Variants in MX2 observed in about 807,000 individuals in gnomAD.
MX2 encodes the protein MX dynamin like GTPase 2, also known as interferon-induced GTP-binding protein Mx2.
Under a neutral mutation model 74.0 loss-of-function variants are expected in MX2, and 51 were observed. The ratio of observed to expected loss-of-function variants is 0.69; its 90% CI spans 0.55 to 0.87. The LOEUF (loss-of-function observed/expected upper bound fraction) is 0.87. MX2 is among the 40% of genes least tolerant of loss of function. The pLI, the probability that MX2 is intolerant of heterozygous loss-of-function variation, is 0.00. For missense variants in MX2, 832 were observed against 908.7 expected (o/e 0.92, Z 1.09); for synonymous variants, 369 against 339.3 (o/e 1.09, Z -0.96).
At position 41,408,422 on chromosome 21, in the gene MX2, C is replaced by A; in HGVS notation, c.*189C>A. On this transcript the variant is annotated 3_prime_UTR_variant, in exon 14 of 14. Coordinates refer to ENST00000330714, the MANE Select transcript of MX2 (RefSeq NM_002463.2). Reference sequence around the variant, plus strand: ...AGGCTCAGCTCTCTCCACCACCCAGCTCTTCCCTGACCTTCACGAAGGGAT... The same window carrying A: ...AGGCTCAGCTCTCTCCACCACCCAGATCTTCCCTGACCTTCACGAAGGGAT... 2 of 749,804 alleles carry A rather than the reference C, an allele frequency of 2.7e-6. No homozygotes were observed. The highest frequency in any genetic ancestry group is 4.2e-6 in the Non-Finnish European group (2 of 476,470). The allele number at this position is 749,804 out of a possible 1,614,324, so 46.4% of individuals were successfully genotyped here.
intron 12 of MX2, chr21:41,403,612 G>A (rs1456977563): frequency 1.4e-6 from 1 of 691,702 alleles, no homozygotes; most frequent in African/African-American, 1.8e-5. Flanking sequence ...TACGCAGGAT[G>A]TGGGGCTCCA....
chr21:41,374,788 G>T (rs1012242179), intron 1 of MX2, among the ~76,000 whole-genome samples: 3 of 152,198 alleles, frequency 2.0e-5, no homozygotes, highest in Admixed American at 2.0e-4. Flanking sequence ...CAAAGCCCCA[G>T]CACTCTGGCT....
chr21:41,382,606 G>C, intron 5 of MX2, 42 bp downstream of exon 5: 1 of 1,612,544 alleles, frequency 6.2e-7, no homozygotes, highest in Admixed American at 1.7e-5. Flanking sequence ...TGCTGAAGTG[G>C]GGGAAGGGTC....
rs1235993524 is a variant in MX2, at chr21:41,376,622, C to T, written c.-71-214C>T. Among the ~76,000 whole-genome samples the T allele has an allele frequency of 3.3e-5, 5 of 152,124 alleles. No homozygotes were observed. In the East Asian group the frequency reaches 5.8e-4, roughly 18 times the overall value. ...TGGGAATGTGGAGTCCACTGCCCCC[C>T]GTTCCCCAAGCCCGGGCCGGTAGAA... On this transcript the variant is annotated intron_variant, in intron 1 of 13. Transcript: ENST00000330714.
chr21:41,406,968 A>AGGGAT lies in MX2; in HGVS notation c.1875_1876insGGGAT (p.Ile626GlyfsTer3). On this transcript the variant is annotated frameshift_variant, in exon 13 of 14. Transcript: ENST00000330714. LOFTEE classifies it low-confidence loss of function (END_TRUNC). ...AGTCTTCGGTTTCCTCCTTTACTGA[A>AGGGAT]ATAGGCATCCACCTGAATGCCTACT... is the stretch of plus-strand genomic sequence containing the variant. The AGGGAT allele has an allele frequency of 6.2e-7, 1 of 1,613,456 alleles. No individual in the cohort carries two copies. The highest frequency in any genetic ancestry group is 8.5e-7 in the Non-Finnish European group (1 of 1,179,438).
At chr21:41,383,501 G>C (rs1240067873) in intron 5 of MX2, among the ~76,000 whole-genome samples, 3 of 152,234 alleles carry the variant, frequency 2.0e-5, no homozygotes, top group Non-Finnish European at 4.4e-5. Context: ...TCATGCTTTG[G>C]CAAGCCAGCT....
Position 41,407,948 on chromosome 21 carries a change from G to A in MX2, c.1906-43G>A, listed in dbSNP as rs199702940. 4 of 1,610,648 alleles carry A rather than the reference G, an allele frequency of 2.5e-6. No homozygotes were observed. In the African/African-American group the frequency reaches 4.0e-5, roughly 16 times the overall value. On this transcript the variant is annotated intron_variant, in intron 13 of 13. Transcript: ENST00000330714. ...CTTCTCTCTGCAACCACAGGCCTTG[G>A]GCTGAGACCACTCCAGCAAACCCTT... is the stretch of plus-strand genomic sequence containing the variant.
intron 1 of MX2, among the ~76,000 whole-genome samples, chr21:41,362,740 G>GT (rs796852034): frequency 2.6e-4 from 29 of 113,102 alleles, no homozygotes; most frequent in Admixed American, 3.6e-4. Context: ...TGATGACGCA[G>GT]TTTTTTTTTC....
chr21:41,391,851 G>A (rs936151689), intron 6 of MX2, among the ~76,000 whole-genome samples: 3 of 151,400 alleles, frequency 2.0e-5, no homozygotes, highest in African/African-American at 7.3e-5. Context: ...TAGGTTCAGG[G>A]GTACATGTGC....
At chr21:41,383,490 G>C (rs1323678846) in intron 5 of MX2, among the ~76,000 whole-genome samples, 2 of 152,244 alleles carry the variant, frequency 1.3e-5, no homozygotes, top group Non-Finnish European at 2.9e-5. Context: ...GACCAGCCCT[G>C]TCATGCTTTG....
Position 41,406,992 on chromosome 21 carries a change from C to T in MX2, c.1899C>T (p.Tyr633=), listed in dbSNP as rs2089895441. Reference sequence around the variant, plus strand: ...AAATAGGCATCCACCTGAATGCCTACTTCTTGGTGAGTTCCCGGCGGGGCA... The same window carrying T: ...AAATAGGCATCCACCTGAATGCCTATTTCTTGGTGAGTTCCCGGCGGGGCA... ...FTEIGIHLNA[Y]FLETSKRLAN... The change falls in exon 13 of 14, where the codon TAC becomes TAT. Residue 633 remains tyrosine (Y), a synonymous_variant. Transcript: ENST00000330714. 1 of 1,610,672 alleles carries T rather than the reference C, an allele frequency of 6.2e-7. No individual in the cohort carries two copies. Among genetic ancestry groups the T allele is most frequent in the African/African-American group, 1.3e-5 (1 of 74,846 alleles).
chr21:41,401,942 C>A lies in MX2; in HGVS notation c.1415-28C>A, dbSNP rs375485633. The stretch of plus-strand genomic sequence containing the variant: ...CGACGTCTGCAGAATTAGCAGAATT[C>A]ACCATGGAGGTCTGTTTGATGTTGC... On this transcript the variant is annotated intron_variant, in intron 10 of 13. Coordinates refer to ENST00000330714, the MANE Select transcript of MX2 (RefSeq NM_002463.2). 9 of 1,602,054 alleles carry A rather than the reference C, an allele frequency of 5.6e-6. No individual in the cohort carries two copies. The African/African-American group carries it at 1.1e-4, about 19-fold the overall frequency.
rs199686102 is a variant in MX2 at position 41,380,079 on chromosome 21, G to A, written c.505G>A (p.Gly169Arg). 1.3e-5 allele frequency: 21 copies of A among 1,614,012 alleles called. No individual in the cohort carries two copies. Among genetic ancestry groups the A allele is most frequent in the African/African-American group, 6.7e-5 (5 of 75,032 alleles). ...AAAGCAGCCCTGTGAGGCATGGGCC[G>A]GAAGGATCAGCTACCGGAACACCGA... ...LKKQPCEAWA[G>R]RISYRNTELE... Residue 169 changes from glycine to arginine, a missense_variant, in exon 4 of 14, where the codon GGA (glycine) becomes AGA (arginine). Coordinates refer to ENST00000330714, the MANE Select transcript of MX2 (RefSeq NM_002463.2). The surrounding 1 kb of genome is among the most constrained non-coding windows in gnomAD (Gnocchi z 4.3).
chr21:41,383,550 G>C (rs1441880749), intron 5 of MX2, among the ~76,000 whole-genome samples: 3 of 152,218 alleles, frequency 2.0e-5, no homozygotes, highest in Non-Finnish European at 4.4e-5. Flanking sequence ...TGCCAGGGCA[G>C]GGGAAGGCTG....
In MX2 at chr21:41,403,360, C is replaced by T; in HGVS notation, c.1650+17C>T. 6.3e-7 allele frequency: 1 copy of T among 1,598,576 alleles called. No individual in the cohort carries two copies. Among genetic ancestry groups the T allele is most frequent in the Non-Finnish European group, 8.6e-7 (1 of 1,166,086 alleles). The stretch of plus-strand genomic sequence containing the variant: ...ACTGTTCAGGTAAGCACCCAGAGTT[C>T]ACTTGCTAGTCACCTGGACCACTGG... On this transcript the variant is annotated intron_variant, in intron 12 of 13. Coordinates refer to ENST00000330714, the MANE Select transcript of MX2 (RefSeq NM_002463.2).
chr21:41,403,873 C>T, intron 12 of MX2: 1 of 254,902 alleles, frequency 3.9e-6, no homozygotes, highest in Non-Finnish European at 8.0e-6. Context: ...ATAGTGCAGG[C>T]AAGCAAGAAG....
Position 41,402,213 on chromosome 21 carries a change from G to C in MX2, c.1573+85G>C. 6.8e-7 allele frequency: 1 copy of C among 1,480,952 alleles called. No individual in the cohort carries two copies. Among genetic ancestry groups the C allele is most frequent in the Non-Finnish European group, 9.1e-7 (1 of 1,100,794 alleles). 91.7% of individuals were successfully genotyped at this position (1,480,952 alleles called of 1,614,324 possible). A position where few individuals can be genotyped will look rare whatever the true frequency, so the allele number is the denominator to read the frequency against. On this transcript the variant is annotated intron_variant, in intron 11 of 13. Transcript: ENST00000330714. The surrounding 1 kb of genome is among the most constrained non-coding windows in gnomAD (Gnocchi z 4.5). Reference sequence around the variant, plus strand: ...TGCCTTGGAGGGAGAGATTGGAATGGAGTTACCAAACCAGCCTGCAGACAC... The same window carrying C: ...TGCCTTGGAGGGAGAGATTGGAATGCAGTTACCAAACCAGCCTGCAGACAC...
rs2089266483 is a variant in MX2 at position 41,366,433 on chromosome 21, C to G, written c.-72+4378C>G. ...GTGGCTCACGCCTGTAATCCCAACA[C>G]TTTGGGAGGCCAAGTCGGGTGGATC... On this transcript the variant is annotated intron_variant, in intron 1 of 13. Transcript: ENST00000330714. This position sits in a 1 kb window ranked among gnomAD's most constrained non-coding sequence, Gnocchi z 4.5. 1 of 152,300 alleles carries G rather than the reference C, an allele frequency of 6.6e-6. No individual in the cohort carries two copies. The highest frequency in any genetic ancestry group is 1.5e-5 in the Non-Finnish European group (1 of 68,084). 9.4% of individuals were successfully genotyped at this position (152,300 alleles called of 1,614,324 possible).
At chr21:41,401,850 T>G (rs2089818680) in intron 10 of MX2, 120 bp from the exon 11 acceptor site, 5 of 1,086,960 alleles carry the variant, frequency 4.6e-6, no homozygotes, top group African/African-American at 3.2e-5. Context: ...TGAACAAAAC[T>G]CCACTTTGCA....
Sources: gnomAD v4.1 joint callset for allele counts (sites outside exome capture counted in the v4.1 genomes callset) on GRCh38, gnomAD v4.1.1 for gene constraint, Gnocchi (gnomAD v3.1) non-coding constraint, MANE v1.5 for transcripts, NCBI Gene and HGNC (gene_info 2026-07-23, HGNC 2026-07-21) for gene names.